Variants in RBFOX1 observed in about 807,000 individuals in gnomAD.
RBFOX1 encodes RNA binding protein fox-1 homolog 1.
In RBFOX1, 8 loss-of-function variants were observed where a neutral mutation model predicts 57.7. The ratio of observed to expected loss-of-function variants is 0.14; its 90% CI spans 0.08 to 0.25. The LOEUF is 0.25. Ranked by LOEUF, RBFOX1 falls within the 10% of genes least tolerant of loss-of-function variation. The pLI is 1.00. For missense variants in RBFOX1, 611 were observed against 548.5 expected, an observed-to-expected ratio of 1.11 and a Z score of -1.14; for synonymous variants, 326 against 222.4, an observed-to-expected ratio of 1.47 and a Z score of -4.15.
intron 3 of RBFOX1, among the ~76,000 whole-genome samples, chr16:7,051,708 C>G (rs2050143219): frequency 6.6e-6 from 1 of 152,140 alleles, no homozygotes; most frequent in Middle Eastern, 3.2e-3. Context: ...GGAATTCTTG[C>G]ACCTGTGATA....
intron 3 of RBFOX1, among the ~76,000 whole-genome samples, chr16:6,819,718 AAAAAAAAAAAAAATAAC>A (rs1567396289): frequency 1.4e-5 from 2 of 145,404 alleles, no homozygotes; most frequent in African/African-American, 5.1e-5. Context: ...AAAAAAAAAA[AAAAAAAAAAAAAATAAC>A]AACACCAAAA....
chr16:5,893,872 A>G (rs1194468090), intron 4 of RBFOX1, among the ~76,000 whole-genome samples: 1 of 152,188 alleles, frequency 6.6e-6, no homozygotes, highest in Non-Finnish European at 1.5e-5. Context: ...AAAATTGAAG[A>G]TTAAACATAA....
At chr16:6,384,454 T>C (rs1336876650) in intron 2 of RBFOX1, among the ~76,000 whole-genome samples, 1 of 152,212 alleles carries the variant, frequency 6.6e-6, no homozygotes, top group Non-Finnish European at 1.5e-5. Context: ...TCTTTCATTT[T>C]TTTTCCCTCC....
At chr16:6,817,441 C>G (rs1205050201) in intron 3 of RBFOX1, among the ~76,000 whole-genome samples, 1 of 151,136 alleles carries the variant, frequency 6.6e-6, no homozygotes, top group South Asian at 2.1e-4. Flanking sequence ...TGCCTGTAAT[C>G]CCAACGCTTT....
intron 3 of RBFOX1, among the ~76,000 whole-genome samples, chr16:6,967,960 C>A (rs115794932): frequency 6.6e-6 from 1 of 152,122 alleles, no homozygotes; most frequent in African/African-American, 2.4e-5. Flanking sequence ...TAAAAACGCT[C>A]GGGGAGAGAG....
chr16:7,162,580 A>AAG (rs2078574067), intron 4 of RBFOX1, among the ~76,000 whole-genome samples: 1 of 151,402 alleles, frequency 6.6e-6, no homozygotes, highest in Admixed American at 6.6e-5. Context: ...AAAAAAAAAA[A>AAG]AAAAAACATT....
intron 2 of RBFOX1, among the ~76,000 whole-genome samples, chr16:6,537,246 C>G (rs1476979): frequency 1.3e-5 from 2 of 151,966 alleles, no homozygotes; most frequent in Admixed American, 6.6e-5. Flanking sequence ...TTCCTGATGC[C>G]GGTTCGTGCA....
Position 5,318,499 on chromosome 16 carries a change from G to A in RBFOX1, c.219+78394G>A, listed in dbSNP as rs894336582. ...TCATGTTTGCCCACTAAGAGTAAAT[G>A]ATGCCTGTCCCCTCCCTGCACTCTG... On this transcript the variant is annotated intron_variant, in intron 1 of 2. Transcript: ENST00000585867. Among the ~76,000 whole-genome samples, 11 of 152,224 alleles carry A rather than the reference G, an allele frequency of 7.2e-5. No homozygotes were observed. In the South Asian group the frequency reaches 2.1e-3, roughly 29 times the overall value.
intron 2 of RBFOX1, among the ~76,000 whole-genome samples, chr16:5,473,018 C>A (rs1343385544): frequency 1.3e-5 from 2 of 152,182 alleles, no homozygotes; most frequent in Non-Finnish European, 2.9e-5. Flanking sequence ...TCTGACATTG[C>A]CTCTGCCCCT....
intron 3 of RBFOX1, among the ~76,000 whole-genome samples, chr16:6,823,802 A>T (rs560862598): frequency 6.3e-4 from 96 of 152,274 alleles, no homozygotes; most frequent in African/African-American, 2.1e-3. Flanking sequence ...ATAATAGGAG[A>T]TTCCTACCTC....
chr16:5,327,465 A>AAT (rs1456694235), intron 1 of RBFOX1, among the ~76,000 whole-genome samples: 2 of 152,232 alleles, frequency 1.3e-5, no homozygotes, highest in Admixed American at 1.3e-4. Context: ...AACTGGGTCC[A>AAT]ATTAAAAGCG....
intron 1 of RBFOX1, chr16:6,090,077 C>G (rs2096148961): frequency 6.6e-6 from 1 of 152,176 alleles, no homozygotes; most frequent in Admixed American, 6.5e-5. Context: ...TTTATAGCCA[C>G]TAGAGGCCTC....
At chr16:6,651,872 A>G (rs375616632) in intron 2 of RBFOX1, among the ~76,000 whole-genome samples, 4 of 152,212 alleles carry the variant, frequency 2.6e-5, no homozygotes, top group Non-Finnish European at 4.4e-5. Flanking sequence ...ATACAATGCA[A>G]TGTTATTCAT....
At chr16:6,811,043 G>C (rs2088415195) in intron 3 of RBFOX1, among the ~76,000 whole-genome samples, 1 of 152,170 alleles carries the variant, frequency 6.6e-6, no homozygotes. Context: ...AACTGATGAT[G>C]ATAAGATACC....
intron 3 of RBFOX1, among the ~76,000 whole-genome samples, chr16:7,013,833 A>G (rs1376097046): frequency 6.6e-6 from 1 of 152,026 alleles, no homozygotes; most frequent in Non-Finnish European, 1.5e-5. Flanking sequence ...AATTTTTTAA[A>G]AACTTGTAGA....
At chr16:5,762,620 A>G (rs2053630421) in intron 3 of RBFOX1, among the ~76,000 whole-genome samples, 1 of 152,210 alleles carries the variant, frequency 6.6e-6, no homozygotes, top group Non-Finnish European at 1.5e-5. Flanking sequence ...CACTCTATAA[A>G]TAGTTGTTAA....
chr16:5,355,633 G>C (rs1169748921), intron 1 of RBFOX1, among the ~76,000 whole-genome samples: 1 of 152,150 alleles, frequency 6.6e-6, no homozygotes, highest in African/African-American at 2.4e-5. Context: ...GGCCTGTAGT[G>C]GGTTGAGGAG....
At chr16:6,397,711 G>A (rs2092900249) in intron 2 of RBFOX1, among the ~76,000 whole-genome samples, 1 of 152,150 alleles carries the variant, frequency 6.6e-6, no homozygotes, top group African/African-American at 2.4e-5. Flanking sequence ...TTTGGAGTTT[G>A]TAACATATGC....
At chr16:6,477,412 C>T (rs1008976943) in intron 2 of RBFOX1, among the ~76,000 whole-genome samples, 1 of 152,180 alleles carries the variant, frequency 6.6e-6, no homozygotes, top group Non-Finnish European at 1.5e-5. Context: ...CACTTATGTC[C>T]TTGTGCTTCT....
Sources: allele counts gnomAD v4.1 joint callset (sites outside exome capture counted in the v4.1 genomes callset), GRCh38; gene constraint gnomAD v4.1.1; transcripts MANE v1.5; gene names NCBI Gene and HGNC (gene_info 2026-07-23, HGNC 2026-07-21).